IQUB: variants seen among roughly 807,000 people sequenced by gnomAD.
IQUB encodes the protein IQ motif and ubiquitin domain containing.
In IQUB, 86 loss-of-function variants were observed where a neutral mutation model predicts 86.4. That is an observed-to-expected ratio of 1.00 (90% CI 0.84 to 1.19). IQUB has a LOEUF of 1.19. IQUB is among the 50% of genes most tolerant of loss of function. The pLI, the probability that IQUB is intolerant of heterozygous loss-of-function variation, is 0.00. For synonymous variants in IQUB, 289 were observed against 304.5 expected (o/e 0.95, Z 0.53); for missense variants, 946 against 916.9 (o/e 1.03, Z -0.41).
rs1365736235 is a variant in IQUB at position 123,512,122 on chromosome 7, T to C, written c.219A>G (p.Pro73=). 5.0e-6 allele frequency: 8 copies of C among 1,614,096 alleles called. No individual in the cohort carries two copies. Among genetic ancestry groups the C allele is most frequent in the Non-Finnish European group, 6.8e-6 (8 of 1,179,958 alleles). ...CCTCTTCCATGAGTTGTTCATTGTC[T>C]GGTTCCAGGCTTGAAAAGCTTTGGT... ...QSDQSFSSLE[P]DNEQLMEEVI... is the part of the protein sequence containing the mutation. The change falls in exon 2 of 13, where the codon CCA becomes CCG. Residue 73 remains proline, a synonymous_variant. Transcript: ENST00000324698.
chr7:123,527,981 G>T (rs1405729846), intron 1 of IQUB, among the ~76,000 whole-genome samples: 1 of 152,228 alleles, frequency 6.6e-6, no homozygotes. Flanking sequence ...CGTGGGCGTA[G>T]GACCCTCCGA....
At chr7:123,521,681 C>CACACACACACAGAG (rs533866528) in intron 1 of IQUB, among the ~76,000 whole-genome samples, 1 of 151,018 alleles carries the variant, frequency 6.6e-6, no homozygotes, top group African/African-American at 2.4e-5. Context: ...CACACACACA[C>CACACACACACAGAG]AGAGATCACA....
intron 3 of IQUB, among the ~76,000 whole-genome samples, chr7:123,509,342 T>C (rs1322322282): frequency 6.6e-6 from 1 of 152,196 alleles, no homozygotes; most frequent in Non-Finnish European, 1.5e-5. Context: ...TTGACCTTAA[T>C]GTACAGAATA....
At chr7:123,484,450 C>G (rs1795134654) in intron 7 of IQUB, among the ~76,000 whole-genome samples, 1 of 139,260 alleles carries the variant, frequency 7.2e-6, no homozygotes, top group East Asian at 2.2e-4. Context: ...ATCAGATAGT[C>G]TGATAACTGA....
chr7:123,524,216 A>G (rs1797063935), intron 1 of IQUB, among the ~76,000 whole-genome samples: 1 of 146,706 alleles, frequency 6.8e-6, no homozygotes, highest in Non-Finnish European at 1.5e-5. Context: ...TGAACTTTAA[A>G]GTAGTTTTTT....
intron 10 of IQUB, chr7:123,462,853 A>AAT: frequency 2.2e-6 from 1 of 455,348 alleles, no homozygotes; most frequent in South Asian, 1.6e-5. Context: ...GCAAGAAAAA[A>AAT]ATAACTCATT....
intron 9 of IQUB, among the ~76,000 whole-genome samples, chr7:123,468,870 TAAAA>T (rs1476346712): frequency 6.6e-6 from 1 of 152,182 alleles, no homozygotes; most frequent in South Asian, 2.1e-4. Context: ...AGAAAAAAGA[TAAAA>T]ATACAATGGT....
intron 5 of IQUB, 57 bp downstream of exon 5, chr7:123,502,887 A>C: frequency 2.1e-6 from 3 of 1,455,250 alleles, no homozygotes; most frequent in Admixed American, 2.1e-5. Flanking sequence ...AGAGTCATAC[A>C]GTACAATTAT....
chr7:123,517,763 A>G (rs914071614), intron 1 of IQUB, among the ~76,000 whole-genome samples: 6 of 152,088 alleles, frequency 3.9e-5, no homozygotes, highest in Admixed American at 2.0e-4. Context: ...ATAGCTATGT[A>G]GTAAGAATAA....
chr7:123,486,356 C>G (rs1005088103), intron 7 of IQUB, among the ~76,000 whole-genome samples: 3 of 152,096 alleles, frequency 2.0e-5, no homozygotes, highest in African/African-American at 7.2e-5. Flanking sequence ...TCCTGCACAC[C>G]CTTTGAAGCC....
At chr7:123,492,314 A>G (rs968214431) in intron 7 of IQUB, among the ~76,000 whole-genome samples, 3 of 152,236 alleles carry the variant, frequency 2.0e-5, no homozygotes, top group Non-Finnish European at 4.4e-5. Flanking sequence ...TGGATGTTCA[A>G]AAGCAAAAAG....
At chr7:123,527,039 G>A (rs1263174589) in intron 1 of IQUB, among the ~76,000 whole-genome samples, 1 of 151,972 alleles carries the variant, frequency 6.6e-6, no homozygotes, top group Non-Finnish European at 1.5e-5. Flanking sequence ...ACTTTCTTCT[G>A]GCTTGTAGCC....
chr7:123,456,757 T>C (rs1264361372), intron 12 of IQUB: 2 of 152,102 alleles, frequency 1.3e-5, no homozygotes, highest in African/African-American at 2.4e-5. Flanking sequence ...GTTTTACAGA[T>C]TGCATCATGT....
At chr7:123,486,369 C>T (rs1795212507) in intron 7 of IQUB, among the ~76,000 whole-genome samples, 1 of 152,152 alleles carries the variant, frequency 6.6e-6, no homozygotes, top group South Asian at 2.1e-4. Flanking sequence ...TTGAAGCCTT[C>T]CCTAACAACT....
At position 123,503,017 on chromosome 7, in the gene IQUB, T is replaced by C; in HGVS notation, c.794A>G (p.Tyr265Cys). 1 of 1,613,244 alleles carries C rather than the reference T, an allele frequency of 6.2e-7. No individual in the cohort carries two copies. Residue 265 changes from tyrosine (Y) to cysteine (C), a missense_variant, in exon 5 of 13, where the codon TAT becomes TGT. Tyr to Cys is a radical substitution (Grantham distance 194, BLOSUM62 -2). Transcript: ENST00000324698. The stretch of plus-strand genomic sequence containing the variant: ...TACAGTTTGTGTTCCAGCATTGTGA[T>C]ACTCTACTCCTGTTACTTTATGTCT... ...GFRHKVTGVEYHNAGTQTVPK... is the reference protein window; with the variant it reads ...GFRHKVTGVECHNAGTQTVPK...
Position 123,469,368 on chromosome 7 carries a change from A to G in IQUB, c.1427T>C (p.Ile476Thr), listed in dbSNP as rs1218233462. The G allele has an allele frequency of 6.3e-7, 1 of 1,586,836 alleles. No individual in the cohort carries two copies. The highest frequency in any genetic ancestry group is 1.4e-5 in the African/African-American group (1 of 73,932). Residue 476 changes from isoleucine (I) to threonine (T), a missense_variant, in exon 9 of 13, where the codon ATA becomes ACA. Transcript: ENST00000324698. ...AFLDKCSAPK[I>T]WRTPNGKTIE... is the part of the protein sequence containing the mutation. ...TGTTTTGCCATTAGGGGTTCTCCAT[A>G]TTTTTGGAGCTGAACACTTAAAAAT...
intron 7 of IQUB, among the ~76,000 whole-genome samples, chr7:123,487,313 G>C (rs1795252210): frequency 6.6e-6 from 1 of 152,132 alleles, no homozygotes; most frequent in South Asian, 2.1e-4. Context: ...AGCAGTGTGA[G>C]AACTGGTTAA....
At chr7:123,528,264 A>G (rs1797358710) in intron 1 of IQUB, among the ~76,000 whole-genome samples, 2 of 152,210 alleles carry the variant, frequency 1.3e-5, no homozygotes. Flanking sequence ...AAATGCAGAA[A>G]TCACCCGTCT....
chr7:123,499,852 G>A (rs1795863494), intron 6 of IQUB, among the ~76,000 whole-genome samples: 1 of 152,210 alleles, frequency 6.6e-6, no homozygotes, highest in Admixed American at 6.5e-5. Flanking sequence ...GCTAGGCATT[G>A]TAAGCCACAG....
Sources: allele counts gnomAD v4.1 joint callset (sites outside exome capture counted in the v4.1 genomes callset), GRCh38; gene constraint gnomAD v4.1.1; transcripts MANE v1.5; gene names NCBI Gene and HGNC (gene_info 2026-07-23, HGNC 2026-07-21).